ZBTB38: variants seen among roughly 807,000 people sequenced by gnomAD.
The protein encoded by ZBTB38 is zinc finger and BTB domain-containing protein 38.
ZBTB38 carries 20 observed loss-of-function variants against 76.8 expected under a neutral mutation model. The observed-to-expected ratio is 0.26, with a 90% confidence interval of 0.18 to 0.38. The LOEUF (loss-of-function observed/expected upper bound fraction) is 0.38. Among genes scored for constraint, ZBTB38 ranks in the 10% least tolerant of loss-of-function variants. The pLI, the probability that ZBTB38 is intolerant of heterozygous loss-of-function variation, is 1.00. For synonymous variants in ZBTB38, 504 were observed against 544.2 expected, an observed-to-expected ratio of 0.93 and a Z score of 1.03; for missense variants, 1,082 against 1,482.3, an observed-to-expected ratio of 0.73 and a Z score of 4.43.
chr3:141,440,722 G>A (rs1177969060), intron 5 of ZBTB38, among the ~76,000 whole-genome samples: 2 of 152,136 alleles, frequency 1.3e-5, no homozygotes, highest in Non-Finnish European at 2.9e-5. Context: ...AGTGAAATTA[G>A]TGAGTTGCTG....
chr3:141,357,074 C>T (rs965040614), intron 1 of ZBTB38, among the ~76,000 whole-genome samples: 22 of 152,160 alleles, frequency 1.4e-4, no homozygotes, highest in African/African-American at 5.3e-4. Context: ...GATCTTTTCT[C>T]CATACACTTG....
intron 1 of ZBTB38, among the ~76,000 whole-genome samples, chr3:141,348,803 T>C (rs996213103): frequency 6.6e-6 from 1 of 152,062 alleles, no homozygotes; most frequent in Non-Finnish European, 1.5e-5. Context: ...ATGATAGTAA[T>C]GGCATTTAAA....
chr3:141,421,626 T>C (rs1198591724), intron 5 of ZBTB38, among the ~76,000 whole-genome samples: 3 of 152,188 alleles, frequency 2.0e-5, no homozygotes, highest in Non-Finnish European at 4.4e-5. Flanking sequence ...GGCCCCTCAG[T>C]TGCTCCCTCC....
At position 141,443,540 on chromosome 3, in the gene ZBTB38, C is replaced by T. The variant is rs778786015; in HGVS notation, c.1152C>T (p.Asn384=). ...GCAACAAACAATTCACCACCCTGAACAGGTTGGATCGGCATGAACAGATCT... is the reference window on the plus strand; with the variant it reads ...GCAACAAACAATTCACCACCCTGAATAGGTTGGATCGGCATGAACAGATCT... ...KYCNKQFTTL[N]RLDRHEQICM... Residue 384 remains asparagine, a synonymous_variant, in exon 6 of 6, where the codon AAC becomes AAT. Coordinates refer to ENST00000321464, the MANE Select transcript of ZBTB38 (RefSeq NM_001376113.1). This position sits in a 1 kb window ranked among gnomAD's most constrained non-coding sequence, Gnocchi z 5.6. 6.2e-7 allele frequency: 1 copy of T among 1,614,190 alleles called. No homozygotes were observed. The highest frequency in any genetic ancestry group is 1.1e-5 in the South Asian group (1 of 91,076).
chr3:141,435,256 C>A (rs2078490311), intron 5 of ZBTB38, among the ~76,000 whole-genome samples: 2 of 152,100 alleles, frequency 1.3e-5, no homozygotes. Flanking sequence ...AAGGTATAAT[C>A]CCAATGTATA....
chr3:141,434,221 A>G (rs1168466959), intron 5 of ZBTB38: 2 of 985,184 alleles, frequency 2.0e-6, no homozygotes, highest in Non-Finnish European at 2.4e-6. Flanking sequence ...ATCAACTGAG[A>G]CAAGAACAAA....
intron 5 of ZBTB38, among the ~76,000 whole-genome samples, chr3:141,407,971 T>G (rs906601250): frequency 6.6e-6 from 1 of 152,242 alleles, no homozygotes; most frequent in African/African-American, 2.4e-5. Context: ...GTGATCACAG[T>G]ACTGGGTAAC....
chr3:141,399,358 C>T (rs1951165314), intron 4 of ZBTB38, among the ~76,000 whole-genome samples: 1 of 152,138 alleles, frequency 6.6e-6, no homozygotes, highest in Non-Finnish European at 1.5e-5. Flanking sequence ...CATTTATCTG[C>T]CTGGCTCCCA....
chr3:141,371,054 T>C (rs972407549), intron 2 of ZBTB38, among the ~76,000 whole-genome samples: 1 of 121,620 alleles, frequency 8.2e-6, no homozygotes, highest in South Asian at 2.6e-4. Context: ...TCTTTTTTTT[T>C]TTTTTTTTTT....
At chr3:141,361,929 TA>T (rs1406725996) in intron 1 of ZBTB38, among the ~76,000 whole-genome samples, 1 of 152,232 alleles carries the variant, frequency 6.6e-6, no homozygotes, top group Non-Finnish European at 1.5e-5. Flanking sequence ...AACATTTTTT[TA>T]AAACCCTGAA....
chr3:141,361,997 C>A (rs987049813), intron 1 of ZBTB38, among the ~76,000 whole-genome samples: 1 of 152,096 alleles, frequency 6.6e-6, no homozygotes, highest in Non-Finnish European at 1.5e-5. Context: ...ATTATAAAAT[C>A]GAAACGAAAG....
intron 5 of ZBTB38, among the ~76,000 whole-genome samples, chr3:141,438,905 C>T (rs1490856115): frequency 6.6e-6 from 1 of 152,092 alleles, no homozygotes; most frequent in Non-Finnish European, 1.5e-5. Context: ...CACACTACTC[C>T]TGCTACCACT....
rs573175102 is a variant in ZBTB38 at position 141,437,006 on chromosome 3, T to C, written c.1-5383T>C. Among the ~76,000 whole-genome samples the C allele has an allele frequency of 1.1e-4, 16 of 152,332 alleles. No homozygotes were observed. In the South Asian group the frequency reaches 3.1e-3, roughly 30 times the overall value. ...GAAATAGCTTTTAGCCGTAGCACTTTCTGAGATCATCCAATGAGCTGGATA... is the reference window on the plus strand; with the variant it reads ...GAAATAGCTTTTAGCCGTAGCACTTCCTGAGATCATCCAATGAGCTGGATA... On this transcript the variant is annotated intron_variant, in intron 5 of 5. Transcript: ENST00000321464.
intron 5 of ZBTB38, among the ~76,000 whole-genome samples, chr3:141,426,564 C>G (rs972681061): frequency 5.3e-5 from 8 of 152,086 alleles, no homozygotes; most frequent in African/African-American, 1.7e-4. Context: ...AGGAAGTGAC[C>G]GGTGAATGCA....
At chr3:141,369,522 T>C (rs1229489988) in intron 1 of ZBTB38, among the ~76,000 whole-genome samples, 2 of 152,184 alleles carry the variant, frequency 1.3e-5, no homozygotes, top group African/African-American at 2.4e-5. Flanking sequence ...CCCAAGAAAG[T>C]TAAGTTCCCA....
chr3:141,445,571 G>T lies in ZBTB38; in HGVS notation c.3183G>T (p.Leu1061=), dbSNP rs745716416. 4.3e-6 allele frequency: 7 copies of T among 1,614,074 alleles called. 1 individual carries two copies. The East Asian group carries it at 1.6e-4, about 36-fold the overall frequency. The change falls in exon 6 of 6, where the codon CTG becomes CTT. Residue 1061 remains leucine, a synonymous_variant. Transcript: ENST00000321464. The surrounding 1 kb of genome is among the most constrained non-coding windows in gnomAD (Gnocchi z 6.5). ...GNLQKHERIH[L]GLKEFVCQYC... Reference sequence around the variant, plus strand: ...TACAGAAACATGAACGCATCCACCTGGGCTTGAAGGAGTTCGTCTGTCAGT... The same window carrying T: ...TACAGAAACATGAACGCATCCACCTTGGCTTGAAGGAGTTCGTCTGTCAGT...
At chr3:141,343,061 A>C (rs183500000) in intron 1 of ZBTB38, among the ~76,000 whole-genome samples, 1 of 152,210 alleles carries the variant, frequency 6.6e-6, no homozygotes, top group African/African-American at 2.4e-5. Flanking sequence ...ACAAAGCTGC[A>C]AAGTATTTCC....
At chr3:141,421,492 T>G (rs973070357) in intron 5 of ZBTB38, among the ~76,000 whole-genome samples, 12 of 151,984 alleles carry the variant, frequency 7.9e-5, no homozygotes, top group Non-Finnish European at 1.5e-4. Context: ...GTTTTTTGGG[T>G]TTTTTTGTTT....
intron 5 of ZBTB38, 32 bp downstream of exon 5, chr3:141,404,063 A>C (rs1460953266): frequency 6.6e-6 from 1 of 152,206 alleles, no homozygotes; most frequent in East Asian, 1.9e-4. Flanking sequence ...CTTAGTCTAC[A>C]TGAGATAGGA....
Sources: gnomAD v4.1 joint callset for allele counts (sites outside exome capture counted in the v4.1 genomes callset) on GRCh38, gnomAD v4.1.1 for gene constraint, Gnocchi (gnomAD v3.1) non-coding constraint, MANE v1.5 for transcripts, NCBI Gene and HGNC (gene_info 2026-07-23, HGNC 2026-07-21) for gene names.